Variants in ZC3H12C observed in about 807,000 individuals in gnomAD.
ZC3H12C encodes zinc finger CCCH-type containing 12C, also known as probable ribonuclease ZC3H12C.
Under a neutral mutation model 76.3 loss-of-function variants are expected in ZC3H12C, and 20 were observed. That is an observed-to-expected ratio of 0.26 (90% confidence interval 0.18 to 0.38). The LOEUF is 0.38. Ranked by LOEUF, ZC3H12C falls within the 10% of genes least tolerant of loss-of-function variation. ZC3H12C has a pLI of 1.00. For synonymous variants in ZC3H12C, 352 were observed against 399.6 expected, an observed-to-expected ratio of 0.88 and a Z score of 1.42; for missense variants, 874 against 1,086.5, an observed-to-expected ratio of 0.80 and a Z score of 2.75.
intron 2 of ZC3H12C, among the ~76,000 whole-genome samples, chr11:110,143,990 G>A (rs1862116553): frequency 6.6e-6 from 1 of 152,122 alleles, no homozygotes; most frequent in South Asian, 2.1e-4. Flanking sequence ...GTACATCTTA[G>A]AATATAGCAA....
chr11:110,146,517 G>A (rs1862174020), intron 2 of ZC3H12C, among the ~76,000 whole-genome samples: 1 of 152,182 alleles, frequency 6.6e-6, no homozygotes, highest in Non-Finnish European at 1.5e-5. Context: ...AATCTCTGGA[G>A]GGGGTAGTAA....
chr11:110,100,676 G>A (rs996021201), intron 1 of ZC3H12C, among the ~76,000 whole-genome samples: 1 of 152,134 alleles, frequency 6.6e-6, no homozygotes, highest in Non-Finnish European at 1.5e-5. Flanking sequence ...TTGGGGGGGT[G>A]CCAATAGAAG....
intron 1 of ZC3H12C, among the ~76,000 whole-genome samples, chr11:110,125,786 G>A (rs1409512288): frequency 6.6e-6 from 1 of 152,210 alleles, no homozygotes; most frequent in Non-Finnish European, 1.5e-5. Context: ...TCTGGCCACA[G>A]TACTAGGGCA....
chr11:110,142,066 T>G (rs1490651957), intron 2 of ZC3H12C, among the ~76,000 whole-genome samples: 1 of 152,220 alleles, frequency 6.6e-6, no homozygotes, highest in Admixed American at 6.5e-5. Context: ...CATTTGGCAG[T>G]GCCCCATTTC....
chr11:110,125,993 C>T (rs1861737483), intron 1 of ZC3H12C, among the ~76,000 whole-genome samples: 1 of 152,174 alleles, frequency 6.6e-6, no homozygotes, highest in Non-Finnish European at 1.5e-5. Context: ...CTCTTTCTGA[C>T]CCTGAGAGCT....
chr11:110,159,111 C>A, intron 3 of ZC3H12C, 145 bp from the exon 4 acceptor site: 1 of 625,038 alleles, frequency 1.6e-6, no homozygotes, highest in Non-Finnish European at 2.8e-6. Context: ...GGAAATGATG[C>A]TGTATCTACA....
intron 1 of ZC3H12C, among the ~76,000 whole-genome samples, chr11:110,106,493 T>C (rs1282617637): frequency 6.6e-6 from 1 of 152,226 alleles, no homozygotes; most frequent in African/African-American, 2.4e-5. Flanking sequence ...GGGTTATGTA[T>C]GTGATCTTGG....
At chr11:110,103,698 C>T (rs899079082) in intron 1 of ZC3H12C, among the ~76,000 whole-genome samples, 2 of 151,674 alleles carry the variant, frequency 1.3e-5, no homozygotes, top group Non-Finnish European at 2.9e-5. Flanking sequence ...CTCCGCCTCT[C>T]GGGTTCATGC....
intron 1 of ZC3H12C, among the ~76,000 whole-genome samples, chr11:110,101,989 T>G (rs1266784672): frequency 6.6e-6 from 1 of 151,792 alleles, no homozygotes; most frequent in Non-Finnish European, 1.5e-5. Flanking sequence ...AAAAAAAGAT[T>G]CCCTTCAAAA....
intron 2 of ZC3H12C, among the ~76,000 whole-genome samples, chr11:110,146,889 A>G (rs1862181743): frequency 6.6e-6 from 1 of 152,216 alleles, no homozygotes; most frequent in African/African-American, 2.4e-5. Flanking sequence ...ATAAGGGTCT[A>G]TTCTGATCTA....
At chr11:110,130,936 G>C in intron 1 of ZC3H12C, 1 of 1,233,326 alleles carries the variant, frequency 8.1e-7, no homozygotes, top group East Asian at 2.6e-5. Context: ...TCTGGCCTAT[G>C]ATTGGCTGTT....
intron 2 of ZC3H12C, among the ~76,000 whole-genome samples, chr11:110,139,250 AT>A (rs148460467): frequency 0.048 from 7,262 of 152,310 alleles, 494 homozygotes; most frequent in Admixed American, 0.17. Context: ...CCAAGACAAA[AT>A]GGAATTCAAA....
rs147162422 is a variant in ZC3H12C at position 110,139,355 on chromosome 11, A to G, written c.773+1941A>G. Among the ~76,000 whole-genome samples, 1,093 of 152,358 alleles carry G rather than the reference A, an allele frequency of 7.2e-3. 15 individuals carry two copies. Among genetic ancestry groups the G allele is most frequent in the African/African-American group, 0.025 (1,023 of 41,586 alleles). On this transcript the variant is annotated intron_variant, in intron 2 of 5. Transcript: ENST00000278590. ...GGTTAAAGCCAGATCTTACTAGAGA[A>G]TTTAAAGCTGGCTCTGTAATCCAAG...
At chr11:110,106,969 C>T (rs976763945) in intron 1 of ZC3H12C, among the ~76,000 whole-genome samples, 1 of 152,178 alleles carries the variant, frequency 6.6e-6, no homozygotes, top group East Asian at 1.9e-4. Context: ...GGCATTCAGC[C>T]TTTTCTTTTC....
chr11:110,141,405 T>C (rs534058870), intron 2 of ZC3H12C, among the ~76,000 whole-genome samples: 1 of 152,254 alleles, frequency 6.6e-6, no homozygotes, highest in South Asian at 2.1e-4. Flanking sequence ...GCCTTTCTTA[T>C]ATCTAATCTT....
chr11:110,140,314 G>A (rs1425405031), intron 2 of ZC3H12C, among the ~76,000 whole-genome samples: 1 of 152,042 alleles, frequency 6.6e-6, no homozygotes, highest in African/African-American at 2.4e-5. Context: ...AAATTCTAGC[G>A]AGCTATCCAG....
rs533181793 is a variant in ZC3H12C at position 110,118,285 on chromosome 11, T to C, written c.22-18378T>C. 7.2e-5 allele frequency among the ~76,000 whole-genome samples: 11 copies of C among 151,822 alleles called. No individual in the cohort carries two copies. The South Asian group carries it at 2.3e-3, about 31-fold the overall frequency. ...TAAGGACGAGGAAATCTGATTATTT[T>C]ATATTATTATATACACCTGAAAAAC... On this transcript the variant is annotated intron_variant, in intron 1 of 5. Transcript: ENST00000278590.
intron 4 of ZC3H12C, among the ~76,000 whole-genome samples, chr11:110,160,008 C>T (rs1198140763): frequency 1.3e-5 from 2 of 152,264 alleles, no homozygotes; most frequent in African/African-American, 2.4e-5. Flanking sequence ...CCTGTTGCTT[C>T]CAGGCTACCA....
rs907171654 is a variant in ZC3H12C at position 110,153,312 on chromosome 11, C to T, written c.913+254C>T. 5.3e-5 allele frequency among the ~76,000 whole-genome samples: 8 copies of T among 152,070 alleles called. No individual in the cohort carries two copies. The South Asian group carries it at 6.2e-4, about 12-fold the overall frequency. On this transcript the variant is annotated intron_variant, in intron 3 of 5. Transcript: ENST00000278590. ...AAGCACTTCTCGTGCCTCAGCCTGC[C>T]GAGTAGCTGGGATTACAGGCGTGTG...
Sources: gnomAD v4.1 joint callset for allele counts (sites outside exome capture counted in the v4.1 genomes callset) on GRCh38, gnomAD v4.1.1 for gene constraint, MANE v1.5 for transcripts, NCBI Gene and HGNC (gene_info 2026-07-23, HGNC 2026-07-21) for gene names.